NUP155: variants seen among roughly 807,000 people sequenced by gnomAD.
NUP155 encodes the protein nuclear pore complex protein Nup155.
NUP155 carries 71 observed loss-of-function variants against 180.4 expected under a neutral mutation model. The ratio of observed to expected loss-of-function variants is 0.39; its 90% CI spans 0.33 to 0.48. The LOEUF is 0.48. Among genes scored for constraint, NUP155 ranks in the 20% least tolerant of loss-of-function variants. The pLI, the probability that NUP155 is intolerant of heterozygous loss-of-function variation, is 0.91. For missense variants in NUP155, 1,553 were observed against 1,648.9 expected (o/e 0.94, Z 1.01); for synonymous variants, 582 against 559.5 (o/e 1.04, Z -0.57).
Position 37,333,649 on chromosome 5 carries a change from A to G in NUP155, c.1348-16T>C. The G allele has an allele frequency of 1.1e-5, 17 of 1,605,362 alleles. No homozygotes were observed. Among genetic ancestry groups the G allele is most frequent in the Non-Finnish European group, 1.4e-5 (17 of 1,173,776 alleles). On this transcript the variant is annotated splice_polypyrimidine_tract_variant and intron_variant, in intron 12 of 34. Transcript: ENST00000231498. ...CAGCTGTCATCTATGTAAAAGAAAT[A>G]AATGTTTTATACATCATATTGAAGT...
intron 9 of NUP155, among the ~76,000 whole-genome samples, chr5:37,346,673 GAAACAAA>G (rs1435417410): frequency 6.8e-6 from 1 of 147,226 alleles, no homozygotes; most frequent in Non-Finnish European, 1.5e-5. Flanking sequence ...CTTTGTCTCG[GAAACAAA>G]AAAAAAAGAG....
chr5:37,304,517 C>T (rs1581135826), intron 27 of NUP155, among the ~76,000 whole-genome samples: 2 of 152,042 alleles, frequency 1.3e-5, no homozygotes, highest in Non-Finnish European at 2.9e-5. Flanking sequence ...ATTTCTACCC[C>T]GCAATACAAA....
chr5:37,318,870 A>T (rs1481633283), intron 20 of NUP155, among the ~76,000 whole-genome samples: 1 of 152,256 alleles, frequency 6.6e-6, no homozygotes, highest in East Asian at 1.9e-4. Flanking sequence ...ACACTAAGTC[A>T]CTTACAAAGG....
intron 20 of NUP155, among the ~76,000 whole-genome samples, chr5:37,322,409 T>C (rs34799999): frequency 0.049 from 7,519 of 152,232 alleles, 255 homozygotes; most frequent in Non-Finnish European, 0.073. Flanking sequence ...ATTAGAGGCT[T>C]AAAAATATCC....
intron 1 of NUP155, 143 bp downstream of exon 1, chr5:37,370,678 T>A: frequency 6.2e-7 from 1 of 1,604,740 alleles, no homozygotes; most frequent in Non-Finnish European, 8.5e-7. Flanking sequence ...GAAAAGAAGC[T>A]GCTTGCTGTT....
At chr5:37,301,816 C>G (rs1742877851) in intron 29 of NUP155, among the ~76,000 whole-genome samples, 1 of 152,166 alleles carries the variant, frequency 6.6e-6, no homozygotes, top group Non-Finnish European at 1.5e-5. Context: ...AGCTCAGCCT[C>G]CTCTGTAGGG....
intron 3 of NUP155, among the ~76,000 whole-genome samples, chr5:37,363,277 G>C (rs1581217163): frequency 6.6e-6 from 1 of 152,094 alleles, no homozygotes; most frequent in Non-Finnish European, 1.5e-5. Flanking sequence ...AGGAACAAGA[G>C]TAACATCTTA....
chr5:37,308,990 C>G (rs1338266812), intron 24 of NUP155, 139 bp downstream of exon 24: 1 of 759,432 alleles, frequency 1.3e-6, no homozygotes, highest in Admixed American at 2.1e-5. Context: ...CACATTCCTA[C>G]GTCCTTTCAC....
chr5:37,366,483 A>G (rs920897411), intron 1 of NUP155, among the ~76,000 whole-genome samples: 12 of 152,110 alleles, frequency 7.9e-5, no homozygotes, highest in African/African-American at 2.4e-4. Context: ...TCTGACGCCA[A>G]GCTAGAGTGC....
chr5:37,337,591 G>A (rs1015912049), intron 12 of NUP155, among the ~76,000 whole-genome samples: 4 of 152,036 alleles, frequency 2.6e-5, no homozygotes, highest in Admixed American at 6.6e-5. Context: ...AAAATATTCC[G>A]TAAGGGTCCA....
At chr5:37,367,069 G>A (rs1422859984) in intron 1 of NUP155, among the ~76,000 whole-genome samples, 1 of 150,646 alleles carries the variant, frequency 6.6e-6, no homozygotes, top group African/African-American at 2.4e-5. Context: ...TTCCTGAGAC[G>A]GGGTTTCACT....
At position 37,351,271 on chromosome 5, in the gene NUP155, G is replaced by A; in HGVS notation, c.642C>T (p.Tyr214=). Residue 214 remains tyrosine, a synonymous_variant, in exon 6 of 35, where the codon TAC becomes TAT. Coordinates refer to ENST00000231498, the MANE Select transcript of NUP155 (RefSeq NM_153485.3). ...PLYSLPTDNT[Y]LLTITSTDNG... ...TATCAGTGGAAGTTATTGTTAAAAG[G>A]TAAGTATTATCAGTAGGAAGAGAAT... 6.2e-7 allele frequency: 1 copy of A among 1,612,670 alleles called. No individual in the cohort carries two copies. Among genetic ancestry groups the A allele is most frequent in the Non-Finnish European group, 8.5e-7 (1 of 1,178,854 alleles).
chr5:37,320,417 C>T (rs981559369), intron 20 of NUP155, among the ~76,000 whole-genome samples: 6 of 152,088 alleles, frequency 3.9e-5, no homozygotes, highest in Non-Finnish European at 5.9e-5. Flanking sequence ...GCGGAGGTTG[C>T]GGTGAGCCGA....
rs181731577 is a variant in NUP155, at chr5:37,346,730, T to C, written c.995+1775A>G. 1.6e-4 allele frequency among the ~76,000 whole-genome samples: 25 copies of C among 152,138 alleles called. No homozygotes were observed. In the East Asian group the frequency reaches 2.9e-3, roughly 18 times the overall value. ...CAGCTTGACCAAGGTAGTTGGGATA[T>C]GTGCAAATGGTAATGCAGATTGTCT... On this transcript the variant is annotated intron_variant, in intron 9 of 34. Coordinates refer to ENST00000231498, the MANE Select transcript of NUP155 (RefSeq NM_153485.3).
chr5:37,352,353 C>T (rs901209123), intron 5 of NUP155, among the ~76,000 whole-genome samples: 4 of 151,766 alleles, frequency 2.6e-5, no homozygotes, highest in African/African-American at 9.7e-5. Context: ...GCAAGACTCC[C>T]TTATCAAAAA....
In NUP155 at chr5:37,324,117, T is replaced by C. The variant is rs979632674; in HGVS notation, c.2092-10A>G. 6.3e-7 allele frequency: 1 copy of C among 1,582,620 alleles called. No homozygotes were observed. Among genetic ancestry groups the C allele is most frequent in the Middle Eastern group, 1.7e-4 (1 of 6,006 alleles). ...GAACACTACTTTCAATCTGTAAAAATGAAAGATTTTTCAAAAGTTTAAAAA... is the reference window on the plus strand; with the variant it reads ...GAACACTACTTTCAATCTGTAAAAACGAAAGATTTTTCAAAAGTTTAAAAA... On this transcript the variant is annotated splice_polypyrimidine_tract_variant and intron_variant, in intron 19 of 34. Transcript: ENST00000231498.
chr5:37,304,270 AAAAG>A lies in NUP155; in HGVS notation c.3162+465_3162+468del, dbSNP rs1399225388. Among the ~76,000 whole-genome samples the A allele has an allele frequency of 1.5e-4, 18 of 116,152 alleles. 1 individual carries two copies. The highest frequency in any genetic ancestry group is 5.5e-4 in the Admixed American group (6 of 10,890). 76.2% of individuals were successfully genotyped at this position (116,152 alleles called of 152,430 possible). A position where few individuals can be genotyped will look rare whatever the true frequency, so the allele number is the denominator to read the frequency against. On this transcript the variant is annotated intron_variant, in intron 27 of 34. Transcript: ENST00000231498. ...ATCTCAAAAAAAAAAAAAAAAAAAAAAAAGGGAAATTTACTATAAAATTACAAAT... is the reference window on the plus strand; with the variant it reads ...ATCTCAAAAAAAAAAAAAAAAAAAAAGGAAATTTACTATAAAATTACAAAT...
intron 30 of NUP155, among the ~76,000 whole-genome samples, chr5:37,299,874 AT>A (rs1206341762): frequency 2.4e-4 from 29 of 122,366 alleles, no homozygotes; most frequent in Admixed American, 7.3e-4. Flanking sequence ...CTCTACTAAA[AT>A]TTAAAAAAAA....
Position 37,327,737 on chromosome 5 carries a change from A to C in NUP155, c.1916T>G (p.Leu639Arg), listed in dbSNP as rs757402770. 2.0e-5 allele frequency: 33 copies of C among 1,614,164 alleles called. No homozygotes were observed. The highest frequency in any genetic ancestry group is 2.8e-5 in the Non-Finnish European group (33 of 1,180,022). The change falls in exon 18 of 35, where the codon CTG becomes CGG. Residue 639 changes from leucine to arginine, a missense_variant. Transcript: ENST00000231498. ...TGTGGCCTGAGTTGCTGGGTTTCCC[A>C]GAGCACACACTGGAGTTGACATGGC... ...PPAMSTPVCA[L>R]GNPATQATNM... is the part of the protein sequence containing the mutation.
Sources: allele counts gnomAD v4.1 joint callset (sites outside exome capture counted in the v4.1 genomes callset), GRCh38; gene constraint gnomAD v4.1.1; transcripts MANE v1.5; gene names NCBI Gene and HGNC (gene_info 2026-07-23, HGNC 2026-07-21).